OPCML: variants seen among roughly 807,000 people sequenced by gnomAD.
OPCML encodes opioid-binding protein/cell adhesion molecule.
Under a neutral mutation model 37.8 loss-of-function variants are expected in OPCML, and 13 were observed. That is an observed-to-expected ratio of 0.34 (90% CI 0.22 to 0.55). OPCML has a LOEUF of 0.55. Ranked by LOEUF, OPCML falls within the 20% of genes least tolerant of loss-of-function variation. The probability of loss-of-function intolerance (pLI) is 0.91; values close to 1 mark genes in which losing one functional copy is unlikely to be tolerated. For missense variants in OPCML, 341 were observed against 435.6 expected (o/e 0.78, Z 1.93); for synonymous variants, 176 against 168.8 (o/e 1.04, Z -0.33).
chr11:133,244,346 C>A (rs1352775346), intron 1 of OPCML, among the ~76,000 whole-genome samples: 1 of 151,954 alleles, frequency 6.6e-6, no homozygotes, highest in East Asian at 1.9e-4. Context: ...ACACTAAGAG[C>A]AATGCTCTTA....
intron 3 of OPCML, among the ~76,000 whole-genome samples, chr11:132,625,716 A>T (rs1416755337): frequency 4.6e-5 from 7 of 152,160 alleles, no homozygotes; most frequent in African/African-American, 1.2e-4. Context: ...GAAAACAGAC[A>T]TGATGTCTCT....
intron 1 of OPCML, among the ~76,000 whole-genome samples, chr11:133,454,976 T>C (rs1946647374): frequency 6.6e-6 from 1 of 152,024 alleles, no homozygotes; most frequent in South Asian, 2.1e-4. Context: ...GGGATTCACC[T>C]TTTTTTTCCC....
chr11:133,304,561 G>GA (rs1239225807), intron 1 of OPCML, among the ~76,000 whole-genome samples: 1 of 152,132 alleles, frequency 6.6e-6, no homozygotes, highest in African/African-American at 2.4e-5. Flanking sequence ...ATGCCTTCTT[G>GA]AACTCTTGGC....
intron 1 of OPCML, among the ~76,000 whole-genome samples, chr11:133,190,106 A>G (rs1938241812): frequency 6.6e-6 from 1 of 152,240 alleles, no homozygotes; most frequent in Non-Finnish European, 1.5e-5. Context: ...TAGCACACAC[A>G]AATGTGCCTG....
At chr11:132,963,638 T>C (rs527410279) in intron 1 of OPCML, among the ~76,000 whole-genome samples, 1 of 151,468 alleles carries the variant, frequency 6.6e-6, no homozygotes, top group South Asian at 2.1e-4. Context: ...ATGTCCTTCC[T>C]GCTTCCACTT....
At chr11:133,142,420 C>A (rs1231457724) in intron 1 of OPCML, among the ~76,000 whole-genome samples, 1 of 152,192 alleles carries the variant, frequency 6.6e-6, no homozygotes, top group Admixed American at 6.5e-5. Context: ...CACACTGGAG[C>A]CTAAACTCTG....
At chr11:133,358,075 G>A (rs181703287) in intron 1 of OPCML, among the ~76,000 whole-genome samples, 3 of 152,278 alleles carry the variant, frequency 2.0e-5, no homozygotes, top group East Asian at 1.9e-4. Context: ...CAGCAATATC[G>A]TCTTCATAGT....
At chr11:133,042,146 T>C (rs186973433) in intron 1 of OPCML, among the ~76,000 whole-genome samples, 1 of 152,312 alleles carries the variant, frequency 6.6e-6, no homozygotes, top group East Asian at 1.9e-4. Flanking sequence ...CCCCGGCTCC[T>C]ATTTAATGAA....
At chr11:133,149,342 T>C (rs1393729642) in intron 1 of OPCML, among the ~76,000 whole-genome samples, 1 of 152,236 alleles carries the variant, frequency 6.6e-6, no homozygotes, top group African/African-American at 2.4e-5. Context: ...TTTGACATTG[T>C]AGTATATCAC....
At chr11:132,435,641 A>T (rs1313602995) in intron 7 of OPCML, among the ~76,000 whole-genome samples, 1 of 152,140 alleles carries the variant, frequency 6.6e-6, no homozygotes, top group Admixed American at 6.5e-5. Context: ...TCAGACTACT[A>T]CTCCATTCTT....
intron 2 of OPCML, among the ~76,000 whole-genome samples, chr11:132,815,508 C>A (rs1222695142): frequency 6.6e-6 from 1 of 152,178 alleles, no homozygotes; most frequent in Non-Finnish European, 1.5e-5. Flanking sequence ...GTCTGTTTGG[C>A]CCTGACTCTT....
At chr11:132,513,577 T>C (rs1265585681) in intron 4 of OPCML, among the ~76,000 whole-genome samples, 1 of 152,196 alleles carries the variant, frequency 6.6e-6, no homozygotes, top group Non-Finnish European at 1.5e-5. Context: ...TTTATCCTTC[T>C]AAGTATACCA....
rs78988251 is a variant in OPCML at position 133,493,697 on chromosome 11, T to C, written c.61+38567A>G. On this transcript the variant is annotated intron_variant, in intron 1 of 7. Transcript: ENST00000524381. ...ACTACATAAGATAAAATCATAAAAA[T>C]AAAATTGTTGTGTCAAAGAGTATGC... is the stretch of plus-strand genomic sequence containing the variant. Among the ~76,000 whole-genome samples, 888 of 152,296 alleles carry C rather than the reference T, an allele frequency of 5.8e-3. 13 individuals carry two copies. Among genetic ancestry groups the C allele is most frequent in the African/African-American group, 0.02 (828 of 41,566 alleles).
chr11:133,102,514 C>T (rs1358008602), intron 1 of OPCML, among the ~76,000 whole-genome samples: 2 of 151,976 alleles, frequency 1.3e-5, no homozygotes, highest in African/African-American at 2.4e-5. Context: ...TTTGGGAGGC[C>T]GAGGTGGGTG....
chr11:132,839,018 C>T (rs1016015072), intron 2 of OPCML, among the ~76,000 whole-genome samples: 2 of 152,206 alleles, frequency 1.3e-5, no homozygotes, highest in African/African-American at 4.8e-5. Flanking sequence ...AATACACTTT[C>T]CCGTGAACAG....
At chr11:132,912,955 T>C (rs1944477493) in intron 2 of OPCML, among the ~76,000 whole-genome samples, 1 of 152,242 alleles carries the variant, frequency 6.6e-6, no homozygotes, top group Admixed American at 6.5e-5. Flanking sequence ...GATGCTTTCG[T>C]ATTTATAATC....
chr11:132,754,938 T>G (rs1416596390), intron 2 of OPCML, among the ~76,000 whole-genome samples: 2 of 152,202 alleles, frequency 1.3e-5, no homozygotes, highest in African/African-American at 2.4e-5. Context: ...GAAAGAAATC[T>G]GCTGAAGAAG....
At chr11:132,942,901 C>G (rs758609643) in intron 2 of OPCML, 25 bp downstream of exon 2, 2 of 1,534,032 alleles carry the variant, frequency 1.3e-6, no homozygotes, top group Non-Finnish European at 8.9e-7. Flanking sequence ...AGGGGCTCGG[C>G]CCCCGCGGAA....
chr11:133,125,642 AC>A (rs1164967730), intron 1 of OPCML, among the ~76,000 whole-genome samples: 7 of 123,074 alleles, frequency 5.7e-5, no homozygotes, highest in Non-Finnish European at 1.2e-4. Context: ...TAGTATATAT[AC>A]ATGTGTCTAT....
Sources: allele counts gnomAD v4.1 joint callset (sites outside exome capture counted in the v4.1 genomes callset), GRCh38; gene constraint gnomAD v4.1.1; transcripts MANE v1.5; gene names NCBI Gene and HGNC (gene_info 2026-07-23, HGNC 2026-07-21).